Variants in ULK4 observed in about 807,000 individuals in gnomAD.
ULK4 encodes inactive serine/threonine-protein kinase ULK4.
A neutral mutation model predicts 160.6 loss-of-function variants in ULK4; 133 were observed. That is an observed-to-expected ratio of 0.83 (90% confidence interval 0.72 to 0.96). ULK4 has a LOEUF of 0.96. Among genes scored for constraint, ULK4 ranks in the 40% least tolerant of loss-of-function variants. The pLI, the probability that ULK4 is intolerant of heterozygous loss-of-function variation, is 0.00. For missense variants in ULK4, 1,580 were observed against 1,499.5 expected (o/e 1.05, Z -0.89); for synonymous variants, 534 against 539.8 (o/e 0.99, Z 0.15).
intron 32 of ULK4, among the ~76,000 whole-genome samples, chr3:41,558,644 C>T (rs2125589341): frequency 1.3e-5 from 2 of 150,132 alleles, no homozygotes; most frequent in African/African-American, 4.9e-5. Context: ...GTGGAGATTG[C>T]AGTGGGCCAA....
chr3:41,342,973 TC>T (rs1347045745), intron 35 of ULK4, among the ~76,000 whole-genome samples: 3 of 151,992 alleles, frequency 2.0e-5, no homozygotes, highest in Non-Finnish European at 4.4e-5. Context: ...AAATTAAACA[TC>T]CCTTCATGTT....
At chr3:41,317,291 C>G (rs966821548) in intron 35 of ULK4, among the ~76,000 whole-genome samples, 1 of 151,802 alleles carries the variant, frequency 6.6e-6, no homozygotes, top group South Asian at 2.1e-4. Flanking sequence ...TAGCCAGGAT[C>G]GTCTCGATCT....
intron 27 of ULK4, among the ~76,000 whole-genome samples, chr3:41,689,985 T>G (rs1272043660): frequency 6.7e-6 from 1 of 148,682 alleles, no homozygotes; most frequent in Non-Finnish European, 1.5e-5. Context: ...TAAAGACACA[T>G]GCACACGTAT....
intron 19 of ULK4, among the ~76,000 whole-genome samples, chr3:41,812,696 A>C (rs2040852691): frequency 6.6e-6 from 1 of 152,148 alleles, no homozygotes; most frequent in Non-Finnish European, 1.5e-5. Flanking sequence ...TGTGTTTCTG[A>C]CTTGAGCCTC....
intron 33 of ULK4, among the ~76,000 whole-genome samples, chr3:41,462,572 C>T (rs1205764655): frequency 6.6e-6 from 1 of 152,184 alleles, no homozygotes; most frequent in Non-Finnish European, 1.5e-5. Context: ...GAATACACCT[C>T]TATTCCTCAA....
At chr3:41,401,726 A>AC (rs1321958688) in intron 34 of ULK4, among the ~76,000 whole-genome samples, 5 of 152,004 alleles carry the variant, frequency 3.3e-5, no homozygotes, top group Non-Finnish European at 7.4e-5. Flanking sequence ...CAATACTTCC[A>AC]CCCCAATTTC....
chr3:41,652,891 A>C (rs1233154740), intron 30 of ULK4, among the ~76,000 whole-genome samples: 3 of 152,186 alleles, frequency 2.0e-5, no homozygotes, highest in Non-Finnish European at 4.4e-5. Flanking sequence ...TGAACCCAAA[A>C]TTTGATCTTG....
At chr3:41,650,561 G>A (rs929276501) in intron 30 of ULK4, among the ~76,000 whole-genome samples, 2 of 152,198 alleles carry the variant, frequency 1.3e-5, no homozygotes, top group Non-Finnish European at 2.9e-5. Context: ...TGCCGCAGAC[G>A]GCACACCTGA....
intron 20 of ULK4, among the ~76,000 whole-genome samples, chr3:41,797,544 G>A (rs2040338376): frequency 6.6e-6 from 1 of 152,168 alleles, no homozygotes. Context: ...GTGTCAGACT[G>A]GAGGAGACTA....
At chr3:41,669,940 T>C (rs1391503879) in intron 29 of ULK4, among the ~76,000 whole-genome samples, 2 of 152,054 alleles carry the variant, frequency 1.3e-5, no homozygotes, top group South Asian at 2.1e-4. Context: ...GAAGAAACCA[T>C]AGAATGGAGC....
chr3:41,613,641 G>A (rs980737288), intron 31 of ULK4, among the ~76,000 whole-genome samples: 1 of 152,196 alleles, frequency 6.6e-6, no homozygotes, highest in African/African-American at 2.4e-5. Context: ...TTCATCGATT[G>A]AAAAATGTAT....
At chr3:41,947,785 T>A (rs1700156380) in intron 2 of ULK4, among the ~76,000 whole-genome samples, 2 of 152,204 alleles carry the variant, frequency 1.3e-5, no homozygotes, top group Admixed American at 6.5e-5. Flanking sequence ...TGTTTATACA[T>A]GCCTTGATTC....
At chr3:41,353,490 G>A (rs116704203) in intron 35 of ULK4, among the ~76,000 whole-genome samples, 19 of 151,242 alleles carry the variant, frequency 1.3e-4, no homozygotes, top group African/African-American at 4.1e-4. Context: ...CATAGCGAGA[G>A]CCCATTTCTA....
intron 35 of ULK4, among the ~76,000 whole-genome samples, chr3:41,378,873 C>G (rs1330868653): frequency 1.3e-5 from 2 of 150,544 alleles, no homozygotes; most frequent in African/African-American, 4.9e-5. Context: ...TACTATGCAG[C>G]CATAAAAAAG....
At chr3:41,276,850 C>T (rs2079237767) in intron 35 of ULK4, among the ~76,000 whole-genome samples, 1 of 152,032 alleles carries the variant, frequency 6.6e-6, no homozygotes, top group Admixed American at 6.6e-5. Flanking sequence ...CTCACAGTAG[C>T]ATACAAATTA....
At chr3:41,481,866 T>G (rs1407807079) in intron 32 of ULK4, among the ~76,000 whole-genome samples, 2 of 151,646 alleles carry the variant, frequency 1.3e-5, no homozygotes, top group Non-Finnish European at 2.9e-5. Flanking sequence ...GCATTCCTAA[T>G]TTTGCTTTAA....
At chr3:41,599,871 G>T (rs544978765) in intron 31 of ULK4, among the ~76,000 whole-genome samples, 4 of 151,944 alleles carry the variant, frequency 2.6e-5, no homozygotes, top group African/African-American at 9.7e-5. Flanking sequence ...GGCAGAAAAG[G>T]CATTTTCAAA....
In ULK4 at chr3:41,306,187, G is replaced by A. The variant is rs1390790105; in HGVS notation, c.3679-56613C>T. Reference sequence around the variant, plus strand: ...CGCCCCATCCGGGAGGGAGGTGGGGGGGTCAGCCCCCCACCCCGCCCGGGA... The same window carrying A: ...CGCCCCATCCGGGAGGGAGGTGGGGAGGTCAGCCCCCCACCCCGCCCGGGA... On this transcript the variant is annotated intron_variant, in intron 35 of 36. Transcript: ENST00000301831. Among the ~76,000 whole-genome samples, 2 of 76,062 alleles carry A rather than the reference G, an allele frequency of 2.6e-5. 1 individual carries two copies. The highest frequency in any genetic ancestry group is 4.9e-5 in the Non-Finnish European group (2 of 40,614). The allele number at this position is 76,062 out of a possible 152,430, so 49.9% of individuals were successfully genotyped here.
At chr3:41,869,063 T>G (rs1468966081) in intron 17 of ULK4, 1 of 152,186 alleles carries the variant, frequency 6.6e-6, no homozygotes, top group Non-Finnish European at 1.5e-5. Flanking sequence ...TTACAATCAA[T>G]TAGTTGTAAA....
Sources: allele counts gnomAD v4.1 joint callset (sites outside exome capture counted in the v4.1 genomes callset), GRCh38; gene constraint gnomAD v4.1.1; transcripts MANE v1.5; gene names NCBI Gene and HGNC (gene_info 2026-07-23, HGNC 2026-07-21).